PCDH9: variants seen among roughly 807,000 people sequenced by gnomAD.
PCDH9 encodes protocadherin 9, also known as protocadherin-9.
Under a neutral mutation model 70.6 loss-of-function variants are expected in PCDH9, and 24 were observed. That is an observed-to-expected ratio of 0.34 (90% CI 0.25 to 0.48). PCDH9 has a LOEUF of 0.48. PCDH9 is among the 20% of genes least tolerant of loss of function. The probability of loss-of-function intolerance (pLI) is 0.99; values close to 1 mark genes in which losing one functional copy is unlikely to be tolerated. For missense variants in PCDH9, 1,281 were observed against 1,503.6 expected (o/e 0.85, Z 2.45); for synonymous variants, 562 against 558.5 (o/e 1.01, Z -0.09).
intron 2 of PCDH9, among the ~76,000 whole-genome samples, chr13:67,127,077 C>T (rs77237662): frequency 2.0e-5 from 3 of 152,034 alleles, no homozygotes; most frequent in Non-Finnish European, 4.4e-5. Flanking sequence ...ATTATGGTTG[C>T]CCCATGATGG....
intron 2 of PCDH9, among the ~76,000 whole-genome samples, chr13:67,027,063 A>G (rs1424618841): frequency 6.6e-6 from 1 of 151,896 alleles, no homozygotes; most frequent in Non-Finnish European, 1.5e-5. Context: ...GGAAAAAACT[A>G]CTTTAAAGTT....
chr13:66,804,834 C>T (rs1384612828), intron 3 of PCDH9, among the ~76,000 whole-genome samples: 1 of 151,914 alleles, frequency 6.6e-6, no homozygotes, highest in African/African-American at 2.4e-5. Flanking sequence ...AGGAGGGGGA[C>T]TATATATAAT....
At chr13:66,659,454 C>T (rs529113956) in intron 3 of PCDH9, among the ~76,000 whole-genome samples, 46 of 152,054 alleles carry the variant, frequency 3.0e-4, no homozygotes, top group African/African-American at 1.1e-3. Context: ...GAATGACTTA[C>T]AGAAAAACAA....
intron 4 of PCDH9, among the ~76,000 whole-genome samples, chr13:66,420,402 C>G (rs1397324436): frequency 6.6e-6 from 1 of 152,192 alleles, no homozygotes; most frequent in Non-Finnish European, 1.5e-5. Flanking sequence ...CAGGGGTCAA[C>G]AGACACCTCA....
chr13:66,604,159 T>G (rs1267448014), intron 4 of PCDH9, among the ~76,000 whole-genome samples: 1 of 152,078 alleles, frequency 6.6e-6, no homozygotes, highest in Admixed American at 6.6e-5. Context: ...GCTCACACTT[T>G]ATTCTCTTAT....
intron 3 of PCDH9, among the ~76,000 whole-genome samples, chr13:66,638,843 C>T (rs1355997002): frequency 6.6e-6 from 1 of 152,130 alleles, no homozygotes; most frequent in East Asian, 1.9e-4. Flanking sequence ...TTTTAAGAGC[C>T]CTGCCCTGTT....
chr13:67,021,072 G>C (rs1158821170), intron 2 of PCDH9, among the ~76,000 whole-genome samples: 1 of 152,104 alleles, frequency 6.6e-6, no homozygotes, highest in Non-Finnish European at 1.5e-5. Context: ...AGAAATAAAA[G>C]AAGCATATTT....
intron 4 of PCDH9, among the ~76,000 whole-genome samples, chr13:66,374,945 A>G (rs1956722253): frequency 6.6e-6 from 1 of 152,056 alleles, no homozygotes; most frequent in Non-Finnish European, 1.5e-5. Context: ...AAAATGAAGG[A>G]ATTTGTCTAA....
chr13:66,936,209 C>A (rs917913227), intron 2 of PCDH9, among the ~76,000 whole-genome samples: 4 of 152,200 alleles, frequency 2.6e-5, no homozygotes, highest in Admixed American at 2.0e-4. Context: ...GAGGTGTTAG[C>A]ACACTCAATC....
chr13:67,161,709 G>A (rs1438796506), intron 2 of PCDH9, among the ~76,000 whole-genome samples: 1 of 152,112 alleles, frequency 6.6e-6, no homozygotes, highest in Non-Finnish European at 1.5e-5. Context: ...TAATTTCCAG[G>A]GACTGTCAGG....
At chr13:66,576,419 T>C (rs947849147) in intron 4 of PCDH9, among the ~76,000 whole-genome samples, 1 of 152,064 alleles carries the variant, frequency 6.6e-6, no homozygotes, top group Non-Finnish European at 1.5e-5. Context: ...ATGGCTATTA[T>C]AGGGCCTCTG....
intron 2 of PCDH9, among the ~76,000 whole-genome samples, chr13:66,907,288 G>A (rs941999626): frequency 5.3e-5 from 8 of 152,170 alleles, no homozygotes; most frequent in Non-Finnish European, 7.3e-5. Flanking sequence ...ATAAATAACT[G>A]CGTATTGAAT....
At chr13:66,795,953 T>G (rs1461004366) in intron 3 of PCDH9, among the ~76,000 whole-genome samples, 1 of 152,202 alleles carries the variant, frequency 6.6e-6, no homozygotes, top group Non-Finnish European at 1.5e-5. Context: ...AAGCAGTAAC[T>G]GCTGCCCAGT....
chr13:66,457,574 C>A (rs1958342177), intron 4 of PCDH9, among the ~76,000 whole-genome samples: 1 of 151,916 alleles, frequency 6.6e-6, no homozygotes, highest in African/African-American at 2.4e-5. Flanking sequence ...CACTAACAGC[C>A]TAGGGAGTTT....
chr13:66,367,209 C>T (rs981117260), intron 4 of PCDH9, among the ~76,000 whole-genome samples: 2 of 152,016 alleles, frequency 1.3e-5, no homozygotes, highest in African/African-American at 4.8e-5. Context: ...CCTTCAGCAA[C>T]ATTTTATTTT....
At chr13:66,615,727 T>C (rs1362150538) in intron 4 of PCDH9, among the ~76,000 whole-genome samples, 1 of 152,252 alleles carries the variant, frequency 6.6e-6, no homozygotes, top group Admixed American at 6.5e-5. Flanking sequence ...AGCAACTTTT[T>C]TGACTTTTGG....
intron 4 of PCDH9, among the ~76,000 whole-genome samples, chr13:66,450,875 A>G (rs866119298): frequency 8.5e-5 from 13 of 152,128 alleles, no homozygotes; most frequent in Admixed American, 1.3e-4. Flanking sequence ...AAAATTAGCC[A>G]GGCGTGGTGG....
chr13:66,433,846 G>C (rs1429965837), intron 4 of PCDH9, among the ~76,000 whole-genome samples: 1 of 151,760 alleles, frequency 6.6e-6, no homozygotes, highest in Non-Finnish European at 1.5e-5. Flanking sequence ...TTGTTCATAT[G>C]AGCATTTTCC....
rs1431095872 is a variant in PCDH9 at position 66,981,639 on chromosome 13, T to C, written c.3037-78034A>G. ...AGCAAAAAGAAAAAAAGTATTTGAT[T>C]AACTAATTATTTAAATTCTTGCTAT... On this transcript the variant is annotated intron_variant, in intron 2 of 4. Transcript: ENST00000377865. Among the ~76,000 whole-genome samples, 4 of 151,982 alleles carry C rather than the reference T, an allele frequency of 2.6e-5. No homozygotes were observed. In the East Asian group the frequency reaches 7.7e-4, roughly 29 times the overall value.
Sources: gnomAD v4.1 joint callset for allele counts (sites outside exome capture counted in the v4.1 genomes callset) on GRCh38, gnomAD v4.1.1 for gene constraint, MANE v1.5 for transcripts, NCBI Gene and HGNC (gene_info 2026-07-23, HGNC 2026-07-21) for gene names.